The following DMD variants were observed in gnomAD, a reference collection of about 807,000 sequenced individuals.
DMD encodes dystrophin.
In DMD, 63 loss-of-function variants were observed where a neutral mutation model predicts 330.1. That is an observed-to-expected ratio of 0.19 (90% confidence interval 0.16 to 0.24). The LOEUF (loss-of-function observed/expected upper bound fraction) is 0.24, where lower values mean the gene tolerates loss of function less well. Among genes scored for constraint, DMD ranks in the 10% least tolerant of loss-of-function variants. The pLI is 1.00. For synonymous variants in DMD, 1,223 were observed against 959.8 expected (o/e 1.27, Z -5.07); for missense variants, 3,344 against 2,684.1 (o/e 1.25, Z -5.43).
chrX:31,157,193 G>A (rs10521964), intron 74 of DMD, among the ~76,000 whole-genome samples: 6,179 of 111,802 alleles, frequency 0.055, 278 homozygotes, highest in African/African-American at 0.13. Context: ...TCATTGACAC[G>A]TAGATCTGTA....
chrX:33,122,058 T>A (rs1379256423), intron 1 of DMD, among the ~76,000 whole-genome samples: 1 of 111,310 alleles, frequency 9.0e-6, no homozygotes, highest in Non-Finnish European at 1.9e-5. Context: ...AAACCCCGTC[T>A]CTCCTAAAAA....
chrX:32,196,950 T>C (rs148667838), intron 44 of DMD, among the ~76,000 whole-genome samples: 1,347 of 83,839 alleles, frequency 0.016, 37 homozygotes, highest in African/African-American at 0.06. Flanking sequence ...CGCGCCACTG[T>C]ACTCCAGCCT....
intron 54 of DMD, among the ~76,000 whole-genome samples, chrX:31,654,338 C>T (rs1321792782): frequency 8.0e-5 from 9 of 111,891 alleles, no homozygotes; most frequent in Non-Finnish European, 1.7e-4. Context: ...GGTGTCTAAC[C>T]TGAACTGTGA....
At chrX:32,770,361 T>A (rs1373565494) in intron 7 of DMD, among the ~76,000 whole-genome samples, 11 of 111,704 alleles carry the variant, frequency 9.8e-5, no homozygotes, top group African/African-American at 3.6e-4. Context: ...AGTAAATTCC[T>A]CTAGTATTGC....
At chrX:32,616,907 A>C (rs2057625881) in intron 11 of DMD, among the ~76,000 whole-genome samples, 1 of 107,194 alleles carries the variant, frequency 9.3e-6, no homozygotes, top group South Asian at 4.1e-4. Flanking sequence ...ATCTCTCTCC[A>C]CCTTGTGACT....
At chrX:31,266,282 G>C (rs2051105785) in intron 62 of DMD, among the ~76,000 whole-genome samples, 1 of 110,182 alleles carries the variant, frequency 9.1e-6, no homozygotes, top group Non-Finnish European at 1.9e-5. Flanking sequence ...TTGGGGCATG[G>C]AATGAGCACG....
chrX:31,478,847 A>G, intron 58 of DMD, 136 bp downstream of exon 58: 1 of 652,804 alleles, frequency 1.5e-6, no homozygotes, highest in Non-Finnish European at 2.3e-6. Context: ...TTCAGCATCT[A>G]TGTTTAATTT....
intron 54 of DMD, among the ~76,000 whole-genome samples, chrX:31,653,844 A>G (rs2080609634): frequency 8.9e-6 from 1 of 111,862 alleles, no homozygotes; most frequent in East Asian, 2.8e-4. Context: ...AAGGACTACG[A>G]TAAGGAAAAC....
At chrX:32,240,401 G>A (rs1390617550) in intron 43 of DMD, among the ~76,000 whole-genome samples, 3 of 111,188 alleles carry the variant, frequency 2.7e-5, no homozygotes, top group Non-Finnish European at 5.7e-5. Context: ...CCTTGGACCT[G>A]CTGCCTTGTG....
rs771929101 is a variant in DMD at position 31,630,215 on chromosome X, A to C, written c.8028-2353T>G. Among the ~76,000 whole-genome samples, 5 of 112,140 alleles carry C rather than the reference A, an allele frequency of 4.5e-5. No individual in the cohort carries two copies. The East Asian group carries it at 1.4e-3, about 32-fold the overall frequency. ...ATGTGATTTTCAGCCAAATCCTACC[A>C]GCAAGTTTGCTGCTTTGTAAATTAG... On this transcript the variant is annotated intron_variant, in intron 54 of 78. Coordinates refer to ENST00000357033, the MANE Select transcript of DMD (RefSeq NM_004006.3).
intron 55 of DMD, among the ~76,000 whole-genome samples, chrX:31,548,761 G>A (rs781028628): frequency 9.1e-6 from 1 of 109,448 alleles, no homozygotes; most frequent in Non-Finnish European, 1.9e-5. Context: ...TCCTCTTCCC[G>A]GTTACTTCAG....
intron 1 of DMD, among the ~76,000 whole-genome samples, chrX:33,034,076 T>C (rs1053411958): frequency 4.5e-5 from 5 of 111,233 alleles, no homozygotes; most frequent in African/African-American, 1.3e-4. Context: ...CATATACATA[T>C]TGTTATATAC....
At chrX:32,765,274 A>T (rs2072836570) in intron 7 of DMD, among the ~76,000 whole-genome samples, 1 of 110,698 alleles carries the variant, frequency 9.0e-6, no homozygotes, top group Non-Finnish European at 1.9e-5. Context: ...CAAATTTCTG[A>T]TGAATGGTTT....
Position 32,759,856 on chromosome X carries a change from G to C in DMD, c.649+49637C>G, listed in dbSNP as rs1187976515. ...GCAGGTTTTTCTTGGGGGGGGGGGG[G>C]GGGCGGGGGAAGACCCAGGCAGGCC... is the stretch of plus-strand genomic sequence containing the variant. On this transcript the variant is annotated intron_variant, in intron 7 of 78. Coordinates refer to ENST00000357033, the MANE Select transcript of DMD (RefSeq NM_004006.3). 2.4e-3 allele frequency among the ~76,000 whole-genome samples: 111 copies of C among 45,686 alleles called. 1 individual carries two copies. The highest frequency in any genetic ancestry group is 4.8e-3 in the African/African-American group (29 of 6,082). The allele number at this position is 45,686 out of a possible 115,157, so 39.7% of individuals were successfully genotyped here.
At chrX:32,061,550 A>G (rs2096225343) in intron 44 of DMD, among the ~76,000 whole-genome samples, 1 of 111,494 alleles carries the variant, frequency 9.0e-6, no homozygotes, top group African/African-American at 3.3e-5. Flanking sequence ...CCAGTTCATT[A>G]TTTCAGTAGA....
intron 44 of DMD, among the ~76,000 whole-genome samples, chrX:31,995,673 C>A (rs1208208211): frequency 2.7e-5 from 3 of 111,495 alleles, no homozygotes; most frequent in Non-Finnish European, 5.7e-5. Context: ...TTAACTTTCC[C>A]TCATGGGTAG....
intron 2 of DMD, among the ~76,000 whole-genome samples, chrX:32,897,939 T>A (rs1015772462): frequency 2.8e-4 from 31 of 112,465 alleles, no homozygotes; most frequent in Non-Finnish European, 5.6e-4. Flanking sequence ...CCTTGCTAAA[T>A]AGCATCACAA....
At chrX:32,752,309 T>G (rs1000372696) in intron 7 of DMD, among the ~76,000 whole-genome samples, 12 of 111,112 alleles carry the variant, frequency 1.1e-4, no homozygotes, top group Admixed American at 8.6e-4. Context: ...ACCCCTCTCT[T>G]GCATCAGCAT....
chrX:31,581,781 TG>T (rs2076350624), intron 55 of DMD, among the ~76,000 whole-genome samples: 1 of 111,990 alleles, frequency 8.9e-6, no homozygotes, highest in Non-Finnish European at 1.9e-5. Context: ...GAAAGAGGGA[TG>T]GATAGATGAA....
Sources: allele counts gnomAD v4.1 joint callset (sites outside exome capture counted in the v4.1 genomes callset), GRCh38; gene constraint gnomAD v4.1.1; transcripts MANE v1.5; gene names NCBI Gene and HGNC (gene_info 2026-07-23, HGNC 2026-07-21).